CCDC178: variants seen among roughly 807,000 people sequenced by gnomAD.
CCDC178 encodes the protein coiled-coil domain containing 178, also known as coiled-coil domain-containing protein 178.
Under a neutral mutation model 117.4 loss-of-function variants are expected in CCDC178, and 126 were observed. That is an observed-to-expected ratio of 1.07 (90% CI 0.93 to 1.24). The LOEUF (loss-of-function observed/expected upper bound fraction) is 1.24, where lower values mean the gene tolerates loss of function less well. Ranked by LOEUF, CCDC178 falls within the 50% of genes most tolerant of loss-of-function variation. The pLI is 0.00. For synonymous variants in CCDC178, 283 were observed against 313.4 expected, an observed-to-expected ratio of 0.90 and a Z score of 1.02; for missense variants, 1,030 against 986.9, an observed-to-expected ratio of 1.04 and a Z score of -0.59.
chr18:33,104,552 C>A (rs2057677793), intron 20 of CCDC178, among the ~76,000 whole-genome samples: 1 of 151,708 alleles, frequency 6.6e-6, no homozygotes, highest in Non-Finnish European at 1.5e-5. Context: ...CCTGAAAACA[C>A]CATCTTTTCG....
intron 20 of CCDC178, among the ~76,000 whole-genome samples, chr18:33,133,907 A>T (rs1459750254): frequency 6.6e-6 from 1 of 152,000 alleles, no homozygotes; most frequent in Non-Finnish European, 1.5e-5. Context: ...ACTAGATTCA[A>T]GATTTTGAGA....
chr18:32,983,595 A>G (rs2055199028), intron 21 of CCDC178, among the ~76,000 whole-genome samples: 1 of 152,120 alleles, frequency 6.6e-6, no homozygotes, highest in African/African-American at 2.4e-5. Flanking sequence ...GGAAAAAATA[A>G]TGAGCTTTTC....
intron 20 of CCDC178, among the ~76,000 whole-genome samples, chr18:33,110,073 T>C (rs1182760186): frequency 6.6e-6 from 1 of 151,692 alleles, no homozygotes; most frequent in Non-Finnish European, 1.5e-5. Flanking sequence ...TTACATTTTA[T>C]CTACATTTAA....
At chr18:33,364,342 A>T (rs1185718944) in intron 6 of CCDC178, among the ~76,000 whole-genome samples, 4 of 152,078 alleles carry the variant, frequency 2.6e-5, no homozygotes, top group Admixed American at 2.6e-4. Flanking sequence ...TAGAATGGGG[A>T]AAAATTCTAG....
At chr18:32,982,174 A>G (rs930654379) in intron 21 of CCDC178, among the ~76,000 whole-genome samples, 2 of 152,112 alleles carry the variant, frequency 1.3e-5, no homozygotes, top group East Asian at 3.9e-4. Context: ...TGGTACCAAA[A>G]ATTAACTCCC....
rs1461804423 is a variant in CCDC178 at position 33,138,123 on chromosome 18, C to A, written c.2239-45213G>T. On this transcript the variant is annotated intron_variant, in intron 20 of 22. Coordinates refer to ENST00000383096, the MANE Select transcript of CCDC178 (RefSeq NM_001105528.4). ...ATAAAGGTATTGTCATTTACATCCA[C>A]CAAACATTATTGGTAAATGTGAAGC... Among the ~76,000 whole-genome samples the A allele has an allele frequency of 3.3e-5, 5 of 152,192 alleles. No individual in the cohort carries two copies. In the East Asian group the frequency reaches 9.6e-4, roughly 29 times the overall value.
intron 22 of CCDC178, chr18:32,954,373 A>G (rs990992139): frequency 9.2e-5 from 14 of 152,158 alleles, no homozygotes; most frequent in African/African-American, 3.1e-4. Context: ...TGTATGTATC[A>G]TATACACATG....
At chr18:33,283,983 A>G (rs112268043) in intron 12 of CCDC178, among the ~76,000 whole-genome samples, 129 of 152,370 alleles carry the variant, frequency 8.5e-4, no homozygotes, top group African/African-American at 3.1e-3. Context: ...TATTCACAAT[A>G]GCAAAGACAT....
At chr18:33,289,606 T>C (rs938753939) in intron 12 of CCDC178, among the ~76,000 whole-genome samples, 1 of 151,908 alleles carries the variant, frequency 6.6e-6, no homozygotes, top group Non-Finnish European at 1.5e-5. Context: ...ACTGTGAGAC[T>C]ACCATCCCAA....
intron 21 of CCDC178, among the ~76,000 whole-genome samples, chr18:33,002,752 G>A (rs2055665456): frequency 6.6e-6 from 1 of 151,472 alleles, no homozygotes. Context: ...TTGGTGTTTT[G>A]AAAAGATAAA....
At chr18:33,001,959 G>C (rs1258645389) in intron 21 of CCDC178, among the ~76,000 whole-genome samples, 1 of 152,150 alleles carries the variant, frequency 6.6e-6, no homozygotes, top group African/African-American at 2.4e-5. Context: ...GTGATAAACA[G>C]GTCAATTAAG....
At chr18:32,972,134 G>C in intron 22 of CCDC178, among the ~76,000 whole-genome samples, 1 of 152,050 alleles carries the variant, frequency 6.6e-6, no homozygotes, top group East Asian at 1.9e-4. Context: ...TTTTCTCTAA[G>C]GGGTTTTACG....
At chr18:33,231,930 C>T (rs182842345) in intron 15 of CCDC178, among the ~76,000 whole-genome samples, 35 of 152,316 alleles carry the variant, frequency 2.3e-4, no homozygotes, top group Non-Finnish European at 4.4e-4. Flanking sequence ...CAGGCACTGG[C>T]TGCTGCCTAC....
At chr18:33,227,967 TTTA>T (rs1228487865) in intron 15 of CCDC178, among the ~76,000 whole-genome samples, 1 of 152,212 alleles carries the variant, frequency 6.6e-6, no homozygotes, top group Admixed American at 6.5e-5. Flanking sequence ...TTTCAGTTTG[TTTA>T]TTATTTAATA....
chr18:33,090,288 A>C (rs976154398), intron 21 of CCDC178, among the ~76,000 whole-genome samples: 1 of 152,186 alleles, frequency 6.6e-6, no homozygotes, highest in Non-Finnish European at 1.5e-5. Flanking sequence ...AGTCCCTAAG[A>C]AGCACAATAA....
intron 21 of CCDC178, among the ~76,000 whole-genome samples, chr18:33,008,407 C>T (rs1246370234): frequency 6.6e-6 from 1 of 151,974 alleles, no homozygotes; most frequent in Non-Finnish European, 1.5e-5. Flanking sequence ...TTAGCAAAGC[C>T]CAATCCTTCT....
chr18:33,269,832 TA>T, intron 12 of CCDC178, among the ~76,000 whole-genome samples: 1 of 151,788 alleles, frequency 6.6e-6, no homozygotes, highest in Non-Finnish European at 1.5e-5. Context: ...TTTCAACAAC[TA>T]AAAATGAGAC....
chr18:33,126,462 T>C (rs1186669654), intron 20 of CCDC178, among the ~76,000 whole-genome samples: 10 of 150,076 alleles, frequency 6.7e-5, no homozygotes, highest in Non-Finnish European at 3.0e-5. Flanking sequence ...TGTATATATA[T>C]ACTAAACTAT....
intron 2 of CCDC178, among the ~76,000 whole-genome samples, chr18:33,429,578 A>G (rs1041947455): frequency 6.6e-6 from 1 of 152,330 alleles, no homozygotes; most frequent in Non-Finnish European, 1.5e-5. Context: ...ATTAAATCCT[A>G]TAAGGGATAG....
Sources: gnomAD v4.1 joint callset for allele counts (sites outside exome capture counted in the v4.1 genomes callset) on GRCh38, gnomAD v4.1.1 for gene constraint, MANE v1.5 for transcripts, NCBI Gene and HGNC (gene_info 2026-07-23, HGNC 2026-07-21) for gene names.